VPS9D1: variants seen among roughly 807,000 people sequenced by gnomAD.
VPS9D1 encodes the protein VPS9 domain-containing protein 1.
A neutral mutation model predicts 75.8 loss-of-function variants in VPS9D1; 78 were observed. That is an observed-to-expected ratio of 1.03 (90% CI 0.86 to 1.24). The LOEUF (loss-of-function observed/expected upper bound fraction) is 1.24, where lower values mean the gene tolerates loss of function less well. Among genes scored for constraint, VPS9D1 ranks in the 50% most tolerant of loss-of-function variants. VPS9D1 has a pLI of 0.00. For synonymous variants in VPS9D1, 481 were observed against 385.6 expected (o/e 1.25, Z -2.90); for missense variants, 1,057 against 847.7 (o/e 1.25, Z -3.07).
In VPS9D1 at chr16:89,709,330, GT is replaced by G. The variant is rs2060862836; in HGVS notation, c.1493del (p.Asn498ThrfsTer35). 1 of 1,599,756 alleles carries G rather than the reference GT, an allele frequency of 6.3e-7. No individual in the cohort carries two copies. The highest frequency in any genetic ancestry group is 8.5e-7 in the Non-Finnish European group (1 of 1,175,204). On this transcript the variant is annotated frameshift_variant, in exon 12 of 15. Transcript: ENST00000389386. LOFTEE classifies it high-confidence loss of function. The stretch of plus-strand genomic sequence containing the variant: ...AGCCAGTGGCCCCCTTGGCCTCAGG[GT>G]TCTGGGGGAGGAGCTTGGTGGGGAT... The part of the protein sequence containing the change: ...IGIPTKLLPQ[N>X]PEAKGATGYP...
intron 2 of VPS9D1, among the ~76,000 whole-genome samples, chr16:89,718,380 C>G (rs2061141361): frequency 6.6e-6 from 1 of 152,176 alleles, no homozygotes; most frequent in Admixed American, 6.6e-5. Context: ...CAGAACGGCC[C>G]CAGTTCCACC....
intron 12 of VPS9D1, 64 bp from the exon 13 acceptor site, chr16:89,709,020 A>ACCTCCCCCC: frequency 7.8e-7 from 1 of 1,277,898 alleles, no homozygotes; most frequent in Non-Finnish European, 1.0e-6. Context: ...CACCCCTTAT[A>ACCTCCCCCC]CCCCGCCCAC....
chr16:89,709,151 G>C (rs1269543299), intron 12 of VPS9D1, 76 bp downstream of exon 12: 1 of 1,589,944 alleles, frequency 6.3e-7, no homozygotes, highest in African/African-American at 1.3e-5. Flanking sequence ...GAGAAGCTCA[G>C]TGGTGAAGAC....
Position 89,716,823 on chromosome 16 carries a change from C to G in VPS9D1, c.176-1G>C. ...TCGGGGGGCACAGTTTCCCCAGCTT[C>G]TGGGGGAGGGACAAGAAGGCTGGTC... On this transcript the variant is annotated splice_acceptor_variant, in intron 2 of 14. Transcript: ENST00000389386. LOFTEE classifies it high-confidence loss of function. The G allele has an allele frequency of 6.3e-7, 1 of 1,589,800 alleles. No individual in the cohort carries two copies. Among genetic ancestry groups the G allele is most frequent in the Non-Finnish European group, 8.5e-7 (1 of 1,173,308 alleles).
intron 2 of VPS9D1, 98 bp downstream of exon 2, chr16:89,718,929 G>A (rs2061161639): frequency 2.0e-6 from 2 of 1,004,060 alleles, no homozygotes; most frequent in Non-Finnish European, 3.0e-6. Flanking sequence ...TAGCCAGGAT[G>A]GTTTCGATCT....
Position 89,710,970 on chromosome 16 carries a change from G to T in VPS9D1, c.874C>A (p.Gln292Lys). ...TACAGGGCGCTGTACACGGAGCACT[G>T]CAGCCGCCTCAGGAGCTGCGCGATC... ...HPIAQLLRRLQCSVYSALYPA... is the reference protein window; with the variant it reads ...HPIAQLLRRLKCSVYSALYPA... Residue 292 changes from glutamine (Q) to lysine (K), a missense_variant, in exon 10 of 15, where the codon CAG (glutamine) becomes AAG (lysine). Gln to Lys is a moderately conservative substitution (Grantham distance 53, BLOSUM62 1). Transcript: ENST00000389386. 5.5e-6 allele frequency: 8 copies of T among 1,446,184 alleles called. No homozygotes were observed. The highest frequency in any genetic ancestry group is 7.2e-6 in the Non-Finnish European group (8 of 1,104,208). 89.6% of individuals were successfully genotyped at this position (1,446,184 alleles called of 1,614,324 possible).
intron 2 of VPS9D1, chr16:89,717,734 T>G (rs2061110079): frequency 2.2e-6 from 1 of 456,492 alleles, no homozygotes; most frequent in Non-Finnish European, 4.4e-6. Context: ...CAGGGGATCC[T>G]CTGCCACTCC....
intron 4 of VPS9D1, among the ~76,000 whole-genome samples, chr16:89,713,278 G>A (rs1209552651): frequency 4.0e-5 from 6 of 150,542 alleles, no homozygotes; most frequent in South Asian, 4.2e-4. Context: ...TTTTTGAGAC[G>A]GAGTCTCGCT....
At chr16:89,720,311 C>G in intron 1 of VPS9D1, 1 of 784,894 alleles carries the variant, frequency 1.3e-6, no homozygotes. Flanking sequence ...CTCCGGCCTG[C>G]TTTTCCTTCC....
chr16:89,710,274 G>A (rs1028517841), intron 10 of VPS9D1, among the ~76,000 whole-genome samples: 2 of 152,176 alleles, frequency 1.3e-5, no homozygotes, highest in African/African-American at 4.8e-5. Flanking sequence ...GGACTGTTGG[G>A]CCTCCCTCAG....
chr16:89,712,579 C>T (rs2060960438), intron 5 of VPS9D1, 26 bp downstream of exon 5: 1 of 1,609,310 alleles, frequency 6.2e-7, no homozygotes, highest in Admixed American at 1.7e-5. Context: ...CCACGCACCC[C>T]CAGGCCCTCC....
At chr16:89,709,195 T>A (rs202109670) in intron 12 of VPS9D1, 32 bp downstream of exon 12, 1 of 1,608,418 alleles carries the variant, frequency 6.2e-7, no homozygotes, top group Admixed American at 1.7e-5. Context: ...GATGGGAGCC[T>A]GTCCCTCCCC....
Position 89,709,374 on chromosome 16 carries a change from G to T in VPS9D1, c.1450C>A (p.Pro484Thr). Residue 484 changes from proline to threonine, a missense_variant, in exon 12 of 15, where the codon CCC (proline) becomes ACC (threonine). By Grantham distance (38) the Pro-to-Thr change is conservative. Coordinates refer to ENST00000389386, the MANE Select transcript of VPS9D1 (RefSeq NM_004913.3). ...SRSMELYRNA[P>T]PTAIGIPTKL... Reference sequence around the variant, plus strand: ...GTGGGGATGCCAATGGCGGTGGGGGGTGCATTCCTGTAGAGCTCCATGCTC... The same window carrying T: ...GTGGGGATGCCAATGGCGGTGGGGGTTGCATTCCTGTAGAGCTCCATGCTC... 6.4e-7 allele frequency: 1 copy of T among 1,566,618 alleles called. No individual in the cohort carries two copies. The highest frequency in any genetic ancestry group is 8.6e-7 in the Non-Finnish European group (1 of 1,160,806).
At chr16:89,716,878 C>T (rs1467793510) in intron 2 of VPS9D1, 56 bp from the exon 3 acceptor site, 35 of 1,483,806 alleles carry the variant, frequency 2.4e-5, no homozygotes, top group Non-Finnish European at 3.1e-5. Context: ...TTACTTACTG[C>T]TGAGATAAAA....
At chr16:89,710,439 T>C in intron 10 of VPS9D1, 147 bp downstream of exon 10, 1 of 858,684 alleles carries the variant, frequency 1.2e-6, no homozygotes, top group South Asian at 2.1e-5. Flanking sequence ...GTTTCCAAAA[T>C]GAGAAGGGCT....
At chr16:89,711,139 G>GC (rs1488752398) in intron 9 of VPS9D1, 129 bp from the exon 10 acceptor site, 9 of 1,216,498 alleles carry the variant, frequency 7.4e-6, no homozygotes, top group Non-Finnish European at 7.8e-6. Flanking sequence ...TGGAAAGTCT[G>GC]CCCCCCGCCC....
intron 8 of VPS9D1, 113 bp downstream of exon 8, chr16:89,711,769 A>T (rs979672285): frequency 2.6e-6 from 3 of 1,148,610 alleles, no homozygotes; most frequent in African/African-American, 1.8e-5. Context: ...CCGCCCCCTC[A>T]CTGCCCCCCA....
In VPS9D1 at chr16:89,709,081, G is replaced by A. The variant is rs923036112; in HGVS notation, c.1598-125C>T. 122 of 1,284,906 alleles carry A rather than the reference G, an allele frequency of 9.5e-5. No homozygotes were observed. In the African/African-American group the frequency reaches 1.2e-3, roughly 13 times the overall value. 79.6% of individuals were successfully genotyped at this position (1,284,906 alleles called of 1,614,324 possible). On this transcript the variant is annotated intron_variant, in intron 12 of 14. Transcript: ENST00000389386. ...TGGGAAGAGCCACGGTGACCCTGGCGATGTTGCTCAGACACCACTTTTGTT... is the reference window on the plus strand; with the variant it reads ...TGGGAAGAGCCACGGTGACCCTGGCAATGTTGCTCAGACACCACTTTTGTT...
At position 89,710,996 on chromosome 16, in the gene VPS9D1, G is replaced by C. The variant is rs1341481916; in HGVS notation, c.848C>G (p.Pro283Arg). 2 of 1,439,344 alleles carry C rather than the reference G, an allele frequency of 1.4e-6. No homozygotes were observed. The highest frequency in any genetic ancestry group is 2.8e-5 in the Admixed American group (1 of 35,684). The allele number at this position is 1,439,344 out of a possible 1,614,324, so 89.2% of individuals were successfully genotyped here. The change falls in exon 10 of 15, where the codon CCG becomes CGG. Residue 283 changes from proline to arginine, a missense_variant. Coordinates refer to ENST00000389386, the MANE Select transcript of VPS9D1 (RefSeq NM_004913.3). ...CAGCCGCCTCAGGAGCTGCGCGATC[G>C]GGTGGTCGGGGAGGCTGCGGGAGAA... ...VSHLLSLPDH[P>R]IAQLLRRLQC...
Sources: allele counts gnomAD v4.1 joint callset (sites outside exome capture counted in the v4.1 genomes callset), GRCh38; gene constraint gnomAD v4.1.1; transcripts MANE v1.5; gene names NCBI Gene and HGNC (gene_info 2026-07-23, HGNC 2026-07-21).